CRISP2: variants seen among roughly 807,000 people sequenced by gnomAD.
CRISP2 encodes the protein cysteine-rich secretory protein 2.
A neutral mutation model predicts 31.7 loss-of-function variants in CRISP2; 29 were observed. The observed-to-expected ratio is 0.92, with a 90% confidence interval of 0.68 to 1.25. The LOEUF (loss-of-function observed/expected upper bound fraction) is 1.25. CRISP2 is among the 50% of genes most tolerant of loss of function. CRISP2 has a pLI of 0.00. For synonymous variants in CRISP2, 111 were observed against 101.4 expected (o/e 1.09, Z -0.57); for missense variants, 318 against 286.5 (o/e 1.11, Z -0.79).
At chr6:49,706,348 T>C (rs1346995487) in intron 4 of CRISP2, among the ~76,000 whole-genome samples, 1 of 152,204 alleles carries the variant, frequency 6.6e-6, no homozygotes. Context: ...GCAAATTTTA[T>C]GGGTTGCTTA....
chr6:49,696,481 G>T (rs1459850174), intron 8 of CRISP2, among the ~76,000 whole-genome samples: 1 of 151,248 alleles, frequency 6.6e-6, no homozygotes, highest in African/African-American at 2.4e-5. Flanking sequence ...GTGTGTGTTT[G>T]TAGGAGTGTG....
chr6:49,699,613 T>C (rs1307036071), intron 6 of CRISP2, among the ~76,000 whole-genome samples, 191 bp downstream of exon 6: 3 of 152,166 alleles, frequency 2.0e-5, no homozygotes, highest in South Asian at 4.1e-4. Context: ...ATTTGCATAA[T>C]GTACACAATA....
the CRISP2 span, among the ~76,000 whole-genome samples, chr6:49,677,710 C>CT: frequency 1.3e-4 from 20 of 152,100 alleles, no homozygotes; most frequent in African/African-American, 3.9e-4. Flanking sequence ...AAGTGGAGTA[C>CT]TGGGTGCAGG....
intron 4 of CRISP2, among the ~76,000 whole-genome samples, chr6:49,701,498 GTGTATA>G (rs370540893): frequency 0.014 from 894 of 62,026 alleles, 51 homozygotes; most frequent in East Asian, 0.031. Context: ...GTGTGTGTGT[GTGTATA>G]TATATATATA....
chr6:49,681,120 G>C, the CRISP2 span, among the ~76,000 whole-genome samples: 630 of 152,236 alleles, frequency 4.1e-3, 1 homozygote, highest in African/African-American at 0.014. Flanking sequence ...AGTTTTTATA[G>C]TTTTGGGTTT....
At chr6:49,694,037 C>T (rs1764331504) in intron 9 of CRISP2, among the ~76,000 whole-genome samples, 1 of 152,150 alleles carries the variant, frequency 6.6e-6, no homozygotes, top group Admixed American at 6.5e-5. Flanking sequence ...AATTAATTAT[C>T]CTAGTCTTTG....
the CRISP2 span, among the ~76,000 whole-genome samples, chr6:49,685,239 T>C: frequency 6.6e-6 from 1 of 152,256 alleles, no homozygotes; most frequent in Non-Finnish European, 1.5e-5. Flanking sequence ...TGTGTTCCTT[T>C]AGAAAGTCGT....
At position 49,695,877 on chromosome 6, in the gene CRISP2, G is replaced by A. The variant is rs1764652493; in HGVS notation, c.563C>T (p.Pro188Leu). 1.2e-6 allele frequency: 2 copies of A among 1,612,998 alleles called. No homozygotes were observed. The highest frequency in any genetic ancestry group is 1.3e-5 in the African/African-American group (1 of 74,850). The change falls in exon 9 of 10, where the codon CCT becomes CTT. Residue 188 changes from proline to leucine, a missense_variant. By Grantham distance (98) the Pro-to-Leu change is moderately conservative. Transcript: ENST00000339139. ...ACAGTCATCAGGGCAACCGGCACAAGGTGTTCCTTGTTGGTACGGGGTATT... is the reference window on the plus strand; with the variant it reads ...ACAGTCATCAGGGCAACCGGCACAAAGTGTTCCTTGTTGGTACGGGGTATT... ...RKNTPYQQGT[P>L]CAGCPDDCDK... is the part of the protein sequence containing the mutation.
intron 3 of CRISP2, among the ~76,000 whole-genome samples, chr6:49,710,221 G>A (rs940289185): frequency 6.6e-6 from 1 of 151,938 alleles, no homozygotes; most frequent in Non-Finnish European, 1.5e-5. Flanking sequence ...TCAATTATGT[G>A]CAAAAAAGGG....
chr6:49,712,562 C>G lies in CRISP2; in HGVS notation c.-108G>C, dbSNP rs964018852. The G allele has an allele frequency of 6.6e-6, 1 of 151,716 alleles. No homozygotes were observed. Among genetic ancestry groups the G allele is most frequent in the African/African-American group, 2.4e-5 (1 of 41,314 alleles). The allele number at this position is 151,716 out of a possible 1,614,324, so 9.4% of individuals were successfully genotyped here. A position where few individuals can be genotyped will look rare whatever the true frequency, so the allele number is the denominator to read the frequency against. On this transcript the variant is annotated 5_prime_UTR_variant, in exon 2 of 10. It removes the in-frame stop codon of an upstream open reading frame in the 5' UTR. Transcript: ENST00000339139. ...TTAAGATCAGGATGACATGGTTTTC[C>G]TAGAGTGTCTTTAGGAGGGCCATGG...
rs377287366 is a variant in CRISP2 at position 49,698,356 on chromosome 6, T to C, written c.417+6A>G. ...TGACATAGGTATTTTCATGCATTCT[T>C]CTTACCTGAGTATAATGTCCAACAA... On this transcript the variant is annotated splice_donor_region_variant and intron_variant, in intron 7 of 9. Transcript: ENST00000339139. The C allele has an allele frequency of 3.1e-6, 5 of 1,612,694 alleles. No homozygotes were observed. The African/African-American group carries it at 6.7e-5, about 22-fold the overall frequency.
Position 49,708,009 on chromosome 6 carries a change from GT to G in CRISP2, c.66+1121del, listed in dbSNP as rs561042201. Among the ~76,000 whole-genome samples the G allele has an allele frequency of 2.1e-4, 32 of 152,096 alleles. No homozygotes were observed. In the East Asian group the frequency reaches 5.6e-3, roughly 27 times the overall value. ...TAAGGCTTTTAGAGTTAGGGTTTTTGTTTTCTTAATTAAAAATATAAATCTA... is the reference window on the plus strand; with the variant it reads ...TAAGGCTTTTAGAGTTAGGGTTTTTGTTTCTTAATTAAAAATATAAATCTA... On this transcript the variant is annotated intron_variant, in intron 4 of 9. Transcript: ENST00000339139.
chr6:49,704,995 G>A lies in CRISP2; in HGVS notation c.66+4136C>T, dbSNP rs188072321. On this transcript the variant is annotated intron_variant, in intron 4 of 9. Transcript: ENST00000339139. ...GACAGTGTAAGCTGTGGTAGTATGG[G>A]GGGATACAAGTTTGCCCTAAGGTCA... Among the ~76,000 whole-genome samples, 16 of 152,240 alleles carry A rather than the reference G, an allele frequency of 1.1e-4. No individual in the cohort carries two copies. In the East Asian group the frequency reaches 3.1e-3, roughly 29 times the overall value.
chr6:49,683,324 G>C, the CRISP2 span, among the ~76,000 whole-genome samples: 12 of 151,616 alleles, frequency 7.9e-5, no homozygotes, highest in Non-Finnish European at 1.5e-5. Context: ...ACCCAACCAG[G>C]ACCCTTCAAG....
chr6:49,693,692 T>G (rs976312210), intron 9 of CRISP2, among the ~76,000 whole-genome samples: 1 of 152,240 alleles, frequency 6.6e-6, no homozygotes, highest in African/African-American at 2.4e-5. Flanking sequence ...TCAAGCTCAC[T>G]GATTCTTCTG....
downstream of CRISP2, among the ~76,000 whole-genome samples, chr6:49,689,412 T>A (rs954540696): frequency 3.9e-4 from 60 of 152,284 alleles, no homozygotes; most frequent in Admixed American, 2.9e-3. Context: ...AAAATGGCAC[T>A]GAGTTATTAA....
chr6:49,709,027 A>G, intron 4 of CRISP2, 104 bp downstream of exon 4: 1 of 929,210 alleles, frequency 1.1e-6, no homozygotes, highest in Non-Finnish European at 1.7e-6. Flanking sequence ...ACCAGTGGAA[A>G]CTCTGACATA....
At chr6:49,696,587 TAA>T (rs199584784) in intron 8 of CRISP2, among the ~76,000 whole-genome samples, 80 of 98,192 alleles carry the variant, frequency 8.1e-4, no homozygotes, top group East Asian at 3.1e-3. Flanking sequence ...GAACTTAAAG[TAA>T]AAAAAAAAAA....
intron 9 of CRISP2, 113 bp from the exon 10 acceptor site, chr6:49,693,013 T>C: frequency 9.6e-7 from 1 of 1,036,354 alleles, no homozygotes. Context: ...TTAGCATCGC[T>C]TACACTACAA....
Sources: gnomAD v4.1 joint callset for allele counts (sites outside exome capture counted in the v4.1 genomes callset) on GRCh38, gnomAD v4.1.1 for gene constraint, MANE v1.5 for transcripts, NCBI Gene and HGNC (gene_info 2026-07-23, HGNC 2026-07-21) for gene names.